Variants in EPRS1 observed in about 807,000 individuals in gnomAD.
The protein encoded by EPRS1 is bifunctional glutamate/proline--tRNA ligase.
A neutral mutation model predicts 188.3 loss-of-function variants in EPRS1; 107 were observed. The observed-to-expected ratio is 0.57, with a 90% CI of 0.49 to 0.67. The LOEUF is 0.67. Among genes scored for constraint, EPRS1 ranks in the 30% least tolerant of loss-of-function variants. The probability of loss-of-function intolerance (pLI) is 0.00; values close to 1 mark genes in which losing one functional copy is unlikely to be tolerated. For missense variants in EPRS1, 1,577 were observed against 1,802.2 expected, an observed-to-expected ratio of 0.88 and a Z score of 2.26; for synonymous variants, 596 against 593.1, an observed-to-expected ratio of 1.00 and a Z score of -0.07.
chr1:220,016,341 T>C (rs1427636947), intron 12 of EPRS1, among the ~76,000 whole-genome samples: 16 of 114,180 alleles, frequency 1.4e-4, no homozygotes, highest in African/African-American at 3.5e-5. Flanking sequence ...GAGATTCCGC[T>C]ACAAAAAGAA....
intron 29 of EPRS1, 36 bp downstream of exon 29, chr1:219,973,202 C>G (rs1407510508): frequency 1.3e-6 from 2 of 1,585,676 alleles, no homozygotes; most frequent in Non-Finnish European, 1.7e-6. Context: ...GGTGGAAGAT[C>G]TGGAGAGAGA....
Position 220,030,236 on chromosome 1 carries a change from CTG to C in EPRS1, c.623+148_623+149del, listed in dbSNP as rs113842129. On this transcript the variant is annotated intron_variant, in intron 6 of 31. Coordinates refer to ENST00000366923, the MANE Select transcript of EPRS1 (RefSeq NM_004446.3). ...ACATTAACTATTAATAACATAAAAA[CTG>C]TTAAAACGTTTAGAATTTTAACTCT... The C allele has an allele frequency of 2.0e-3, 1,068 of 532,988 alleles. 10 individuals carry two copies. The highest frequency in any genetic ancestry group is 0.019 in the African/African-American group (994 of 52,308). The allele number at this position is 532,988 out of a possible 1,614,324, so 33.0% of individuals were successfully genotyped here. A position where few individuals can be genotyped will look rare whatever the true frequency, so the allele number is the denominator to read the frequency against.
chr1:220,007,207 T>C lies in EPRS1; in HGVS notation c.1737A>G (p.Ile579Met), dbSNP rs1353020365. Residue 579 changes from isoleucine to methionine, a missense_variant, in exon 14 of 32, where the codon ATA becomes ATG. This residue lies in a region of EPRS1 where 1,278 missense variants were observed against 1,457.4 expected (regional missense o/e 0.88). Transcript: ENST00000366923. ...AACAAACAAAAAGTTCTTACTTGTG[T>C]ATTTTTGTAATGTTGAGGTTGCCCC... ...INWGNLNITK[I>M]HKNADGKIIS... is the part of the protein sequence containing the mutation. 1 of 1,608,660 alleles carries C rather than the reference T, an allele frequency of 6.2e-7. No individual in the cohort carries two copies. Among genetic ancestry groups the C allele is most frequent in the Non-Finnish European group, 8.5e-7 (1 of 1,178,352 alleles).
At chr1:220,028,710 A>G (rs1435461460) in intron 6 of EPRS1, among the ~76,000 whole-genome samples, 2 of 152,328 alleles carry the variant, frequency 1.3e-5, no homozygotes, top group East Asian at 1.9e-4. Flanking sequence ...ATAAGTTACT[A>G]TAAGTAAAGC....
At chr1:220,020,755 T>C (rs1438303995) in intron 9 of EPRS1, among the ~76,000 whole-genome samples, 11 of 144,154 alleles carry the variant, frequency 7.6e-5, no homozygotes, top group Middle Eastern at 3.7e-3. Context: ...ACATTTAAGA[T>C]GAAATAGTCT....
At chr1:220,041,430 T>C (rs1398623105) in intron 1 of EPRS1, among the ~76,000 whole-genome samples, 1 of 152,154 alleles carries the variant, frequency 6.6e-6, no homozygotes, top group African/African-American at 2.4e-5. Flanking sequence ...TGACAAAATA[T>C]ATAGCAGTCA....
chr1:219,983,085 T>C (rs1391566), intron 22 of EPRS1, 104 bp downstream of exon 22: 455,024 of 955,372 alleles, frequency 0.48, 109,119 homozygotes, highest in South Asian at 0.53. Flanking sequence ...AACTTTTTAA[T>C]AAAAATGGCT....
intron 18 of EPRS1, among the ~76,000 whole-genome samples, chr1:219,989,208 T>C (rs1441746343): frequency 2.0e-5 from 3 of 152,040 alleles, no homozygotes; most frequent in African/African-American, 7.2e-5. Context: ...CCACAGCTTA[T>C]TAAACAGAAA....
At chr1:219,976,428 G>A (rs1400023954) in intron 28 of EPRS1, among the ~76,000 whole-genome samples, 2 of 152,176 alleles carry the variant, frequency 1.3e-5, no homozygotes, top group Admixed American at 6.5e-5. Flanking sequence ...TCTAGAATTA[G>A]ACTATTGTAA....
chr1:219,980,664 T>C lies in EPRS1; in HGVS notation c.3555+92A>G, dbSNP rs1016333989. The C allele has an allele frequency of 9.0e-6, 7 of 777,842 alleles. No homozygotes were observed. The African/African-American group carries it at 1.0e-4, about 12-fold the overall frequency. 48.2% of individuals were successfully genotyped at this position (777,842 alleles called of 1,614,324 possible). ...ATTTGAATTAATTTGATTTTGCTTT[T>C]AACAGGTGTTACATACATTTTAAAT... On this transcript the variant is annotated intron_variant, in intron 25 of 31. Transcript: ENST00000366923.
chr1:220,025,800 T>TG (rs1661960623), intron 6 of EPRS1, among the ~76,000 whole-genome samples: 1 of 151,884 alleles, frequency 6.6e-6, no homozygotes, highest in African/African-American at 2.4e-5. Flanking sequence ...TAAAAGTTTT[T>TG]TTTTTTTTTT....
chr1:219,971,722 A>G (rs1267568427), intron 30 of EPRS1, among the ~76,000 whole-genome samples: 2 of 148,372 alleles, frequency 1.3e-5, no homozygotes, highest in South Asian at 2.1e-4. Flanking sequence ...TCAGTTCACA[A>G]GTATTACCCC....
chr1:219,985,757 A>G (rs1351990320), intron 20 of EPRS1, among the ~76,000 whole-genome samples: 1 of 152,222 alleles, frequency 6.6e-6, no homozygotes, highest in Non-Finnish European at 1.5e-5. Flanking sequence ...TGCTTGTAAA[A>G]TAAACTAGGT....
At chr1:220,021,812 T>A (rs113307138) in intron 9 of EPRS1, among the ~76,000 whole-genome samples, 1 of 152,196 alleles carries the variant, frequency 6.6e-6, no homozygotes, top group African/African-American at 2.4e-5. Context: ...TGTAGTACGC[T>A]TCTTCAAAGT....
intron 2 of EPRS1, among the ~76,000 whole-genome samples, chr1:220,039,225 T>C (rs184599997): frequency 1.2e-4 from 18 of 152,170 alleles, no homozygotes; most frequent in East Asian, 3.9e-4. Context: ...GAGTTGGTGG[T>C]TGTACAGGAA....
intron 12 of EPRS1, among the ~76,000 whole-genome samples, chr1:220,012,560 G>T (rs1012675587): frequency 6.6e-6 from 1 of 152,224 alleles, no homozygotes; most frequent in East Asian, 1.9e-4. Flanking sequence ...TCCATAGGAT[G>T]GTTAGGATCA....
chr1:219,987,317 C>G lies in EPRS1; in HGVS notation c.2863G>C (p.Ala955Pro). The change falls in exon 20 of 32, where the codon GCC becomes CCC. Residue 955 changes from alanine (A) to proline (P), a missense_variant. Around this residue, in one of 3 missense-constraint regions of EPRS1, gnomAD observed 1,278 missense variants for 1,457.4 expected, o/e 0.88. Transcript: ENST00000366923. Reference protein sequence around the residue: ...LIGVEYKPVSATGAEDKDKKK... With the variant: ...LIGVEYKPVSPTGAEDKDKKK... ...TTATCTTTGTCCTCAGCTCCAGTGG[C>G]CGACACAGGCTTATACTCTACTCCT... The G allele has an allele frequency of 6.2e-7, 1 of 1,613,952 alleles. No homozygotes were observed. The highest frequency in any genetic ancestry group is 8.5e-7 in the Non-Finnish European group (1 of 1,179,946).
At chr1:220,024,047 G>A (rs546370721) in intron 8 of EPRS1, among the ~76,000 whole-genome samples, 26 of 152,294 alleles carry the variant, frequency 1.7e-4, no homozygotes, top group African/African-American at 6.3e-4. Context: ...AGCTACTTGG[G>A]AGGCTGAGGC....
chr1:220,026,030 T>C (rs986482230), intron 6 of EPRS1, among the ~76,000 whole-genome samples: 2 of 152,174 alleles, frequency 1.3e-5, no homozygotes, highest in Non-Finnish European at 2.9e-5. Flanking sequence ...CTTGACCTCG[T>C]GATCCGCCTG....
Sources: allele counts gnomAD v4.1 joint callset (sites outside exome capture counted in the v4.1 genomes callset), GRCh38; gene constraint gnomAD v4.1.1; regional missense constraint gnomAD v4.1.1; transcripts MANE v1.5; gene names NCBI Gene and HGNC (gene_info 2026-07-23, HGNC 2026-07-21).